The following EPHA5 variants were observed in gnomAD, a reference collection of about 807,000 sequenced individuals.
EPHA5 encodes ephrin type-A receptor 5.
Under a neutral mutation model 105.0 loss-of-function variants are expected in EPHA5, and 60 were observed. That is an observed-to-expected ratio of 0.57 (90% confidence interval 0.46 to 0.71). EPHA5 has a LOEUF of 0.71. Ranked by LOEUF, EPHA5 falls within the 30% of genes least tolerant of loss-of-function variation. EPHA5 has a pLI of 0.00. For missense variants in EPHA5, 1,218 were observed against 1,274.7 expected (o/e 0.96, Z 0.68); for synonymous variants, 513 against 449.1 (o/e 1.14, Z -1.80).
intron 16 of EPHA5, among the ~76,000 whole-genome samples, chr4:65,327,075 A>G (rs1349451): frequency 0.93 from 140,137 of 150,988 alleles, 65,744 homozygotes; most frequent in Non-Finnish European, 1. Context: ...TTAATCTTCT[A>G]GATATGACTT....
chr4:65,664,229 T>C (rs1438388338), intron 1 of EPHA5, among the ~76,000 whole-genome samples: 6 of 152,020 alleles, frequency 3.9e-5, no homozygotes, highest in Admixed American at 2.0e-4. Flanking sequence ...ACATTTTCAA[T>C]GGCACCAATT....
At chr4:65,664,371 T>A (rs1235860782) in intron 1 of EPHA5, among the ~76,000 whole-genome samples, 1 of 151,908 alleles carries the variant, frequency 6.6e-6, no homozygotes, top group East Asian at 1.9e-4. Context: ...TGCATCTCAC[T>A]CAATAAATGT....
chr4:65,406,231 G>A (rs1190507680), intron 7 of EPHA5, among the ~76,000 whole-genome samples: 1 of 152,078 alleles, frequency 6.6e-6, no homozygotes, highest in African/African-American at 2.4e-5. Context: ...ACTTACTAGG[G>A]TTAGTTCAAT....
chr4:65,473,768 C>T (rs1015812797), intron 5 of EPHA5, among the ~76,000 whole-genome samples: 1 of 152,070 alleles, frequency 6.6e-6, no homozygotes, highest in African/African-American at 2.4e-5. Context: ...ACAAATGATC[C>T]CGTAGTGAAC....
intron 8 of EPHA5, among the ~76,000 whole-genome samples, chr4:65,395,896 G>A (rs538237706): frequency 7.2e-5 from 11 of 152,198 alleles, no homozygotes; most frequent in Admixed American, 2.0e-4. Flanking sequence ...CAAAGGCACC[G>A]ACTGGAGAGG....
chr4:65,437,963 C>T (rs1489704777), intron 5 of EPHA5, among the ~76,000 whole-genome samples: 2 of 151,918 alleles, frequency 1.3e-5, no homozygotes, highest in Non-Finnish European at 2.9e-5. Context: ...AAGCCTCATA[C>T]TGCATCCTTT....
rs112715417 is a variant in EPHA5 at position 65,368,593 on chromosome 4, A to G, written c.1794-1169T>C. On this transcript the variant is annotated intron_variant, in intron 8 of 16. Transcript: ENST00000613740. ...AACATTTTTCCTCCACATTACTATA[A>G]GTGCCTTCAAAATGATGCTCCTCCA... is the stretch of plus-strand genomic sequence containing the variant. Among the ~76,000 whole-genome samples the G allele has an allele frequency of 5.2e-3, 796 of 152,254 alleles. 10 individuals are homozygous for G. The highest frequency in any genetic ancestry group is 0.018 in the African/African-American group (742 of 41,570).
chr4:65,619,569 G>A (rs575426884), intron 2 of EPHA5, among the ~76,000 whole-genome samples: 1 of 152,142 alleles, frequency 6.6e-6, no homozygotes, highest in African/African-American at 2.4e-5. Flanking sequence ...TTTTAAAAAA[G>A]TATCACTAAA....
At chr4:65,400,937 T>A (rs903590570) in intron 8 of EPHA5, among the ~76,000 whole-genome samples, 9 of 152,088 alleles carry the variant, frequency 5.9e-5, no homozygotes, top group African/African-American at 2.2e-4. Context: ...TTTACTTAAA[T>A]GATATGTTAC....
At chr4:65,507,892 T>C (rs1029868265) in intron 3 of EPHA5, among the ~76,000 whole-genome samples, 14 of 152,186 alleles carry the variant, frequency 9.2e-5, no homozygotes, top group African/African-American at 3.4e-4. Context: ...ATACAACATA[T>C]ATTATTTTCT....
intron 8 of EPHA5, among the ~76,000 whole-genome samples, chr4:65,383,337 T>G (rs1719762341): frequency 6.6e-6 from 1 of 151,486 alleles, no homozygotes; most frequent in East Asian, 1.9e-4. Context: ...CCAATAATTA[T>G]GAAAGGCCTG....
intron 2 of EPHA5, among the ~76,000 whole-genome samples, chr4:65,641,734 G>C (rs1193414887): frequency 6.6e-6 from 1 of 151,666 alleles, no homozygotes; most frequent in African/African-American, 2.4e-5. Flanking sequence ...TTAACATCTG[G>C]TACACTATGT....
chr4:65,329,906 C>A (rs1037062495), intron 16 of EPHA5, among the ~76,000 whole-genome samples: 1 of 149,474 alleles, frequency 6.7e-6, no homozygotes, highest in Non-Finnish European at 1.5e-5. Context: ...ACTTGAGTTA[C>A]TTAACATAAT....
Position 65,574,703 on chromosome 4 carries a change from T to C in EPHA5, c.910+26938A>G, listed in dbSNP as rs1486664472. Reference sequence around the variant, plus strand: ...ACATATATATACATATATATACATATATATACATATATATATACATATATA... The same window carrying C: ...ACATATATATACATATATATACATACATATACATATATATATACATATATA... On this transcript the variant is annotated intron_variant, in intron 3 of 16. Coordinates refer to ENST00000613740, the MANE Select transcript of EPHA5 (RefSeq NM_001281766.3). Among the ~76,000 whole-genome samples the C allele has an allele frequency of 8.8e-4, 71 of 81,058 alleles. 2 individuals carry two copies. The highest frequency in any genetic ancestry group is 1.9e-3 in the East Asian group (3 of 1,592). 53.2% of individuals were successfully genotyped at this position (81,058 alleles called of 152,430 possible).
intron 8 of EPHA5, among the ~76,000 whole-genome samples, chr4:65,402,055 C>T (rs979805053): frequency 6.6e-6 from 1 of 152,024 alleles, no homozygotes; most frequent in Non-Finnish European, 1.5e-5. Flanking sequence ...ATCATGCGAG[C>T]GGTTTTCCAC....
At chr4:65,618,154 A>G (rs921621039) in intron 2 of EPHA5, among the ~76,000 whole-genome samples, 1 of 152,188 alleles carries the variant, frequency 6.6e-6, no homozygotes, top group East Asian at 1.9e-4. Flanking sequence ...ACTTACCACC[A>G]GAGAAGGAGA....
At chr4:65,572,638 G>A (rs1195892076) in intron 3 of EPHA5, among the ~76,000 whole-genome samples, 1 of 152,140 alleles carries the variant, frequency 6.6e-6, no homozygotes, top group Non-Finnish European at 1.5e-5. Flanking sequence ...ATAGTTTCAT[G>A]TTATATGTAC....
chr4:65,325,503 T>C (rs998592331), intron 16 of EPHA5, among the ~76,000 whole-genome samples: 5 of 151,260 alleles, frequency 3.3e-5, no homozygotes, highest in African/African-American at 1.2e-4. Context: ...GATGGAAACA[T>C]ATTTGTTTTT....
At chr4:65,430,105 T>C (rs1476851165) in intron 5 of EPHA5, among the ~76,000 whole-genome samples, 1 of 152,068 alleles carries the variant, frequency 6.6e-6, no homozygotes, top group African/African-American at 2.4e-5. Context: ...CCAATTTTAG[T>C]GAATGAAACC....
Sources: gnomAD v4.1 joint callset for allele counts (sites outside exome capture counted in the v4.1 genomes callset) on GRCh38, gnomAD v4.1.1 for gene constraint, MANE v1.5 for transcripts, NCBI Gene and HGNC (gene_info 2026-07-23, HGNC 2026-07-21) for gene names.